WDR33: variants seen among roughly 807,000 people sequenced by gnomAD.
WDR33 encodes the protein pre-mRNA 3' end processing protein WDR33.
Under a neutral mutation model 164.9 loss-of-function variants are expected in WDR33, and 47 were observed. The ratio of observed to expected loss-of-function variants is 0.29; its 90% CI spans 0.23 to 0.36. The LOEUF is 0.36. Ranked by LOEUF, WDR33 falls within the 10% of genes least tolerant of loss-of-function variation. The pLI is 1.00. For synonymous variants in WDR33, 505 were observed against 589.0 expected, an observed-to-expected ratio of 0.86 and a Z score of 2.06; for missense variants, 1,137 against 1,754.1, an observed-to-expected ratio of 0.65 and a Z score of 6.28.
chr2:127,719,722 T>G lies in WDR33; in HGVS notation c.2303A>C (p.Gln768Pro), dbSNP rs1686384220. The G allele has an allele frequency of 1.2e-6, 2 of 1,613,746 alleles. No individual in the cohort carries two copies. Among genetic ancestry groups the G allele is most frequent in the Non-Finnish European group, 1.7e-6 (2 of 1,179,924 alleles). ...CAGAGGTCCCTGAGACACAGGACCT[T>G]GGATCCCTTGAGACCCTGGTCCGCC... Reference protein sequence around the residue: ...IQGGPGSQGIQGPVSQGPLMG... With the variant: ...IQGGPGSQGIPGPVSQGPLMG... The change falls in exon 16 of 22, where the codon CAA becomes CCA. Residue 768 changes from glutamine (Q) to proline (P), a missense_variant. Coordinates refer to ENST00000322313, the MANE Select transcript of WDR33 (RefSeq NM_018383.5). This position sits in a 1 kb window ranked among gnomAD's most constrained non-coding sequence, Gnocchi z 6.5.
intron 7 of WDR33, among the ~76,000 whole-genome samples, chr2:127,733,647 C>T (rs1686764724): frequency 6.6e-6 from 1 of 152,116 alleles, no homozygotes; most frequent in Non-Finnish European, 1.5e-5. Context: ...TTAATAGTCA[C>T]ACGTGACTAG....
At chr2:127,732,166 C>T (rs1421569461) in intron 7 of WDR33, among the ~76,000 whole-genome samples, 2 of 150,894 alleles carry the variant, frequency 1.3e-5, no homozygotes, top group South Asian at 2.1e-4. Context: ...CAGACGGACA[C>T]CCCAATAAGC....
Position 127,805,222 on chromosome 2 carries a change from C to T in WDR33, c.-24+5790G>A, listed in dbSNP as rs543086426. Reference sequence around the variant, plus strand: ...CCTCCCAAGTAGCTGGGACTACAGGCGCAGGCCACCAAACCCAGCATTTTT... The same window carrying T: ...CCTCCCAAGTAGCTGGGACTACAGGTGCAGGCCACCAAACCCAGCATTTTT... On this transcript the variant is annotated intron_variant, in intron 1 of 21. Transcript: ENST00000322313. Among the ~76,000 whole-genome samples, 30 of 151,660 alleles carry T rather than the reference C, an allele frequency of 2.0e-4. 2 individuals carry two copies. The South Asian group carries it at 5.0e-3, about 25-fold the overall frequency.
At chr2:127,803,109 T>C (rs1422218534) in intron 1 of WDR33, among the ~76,000 whole-genome samples, 2 of 152,190 alleles carry the variant, frequency 1.3e-5, no homozygotes, top group East Asian at 3.8e-4. Context: ...AAAAATGTTA[T>C]TTCAAGTAAC....
At position 127,704,300 on chromosome 2, in the gene WDR33, G is replaced by A. The variant is rs562901356; in HGVS notation, c.*2023C>T. 1 of 166,984 alleles carries A rather than the reference G, an allele frequency of 6.0e-6. No homozygotes were observed. The highest frequency in any genetic ancestry group is 2.4e-5 in the African/African-American group (1 of 41,484). The allele number at this position is 166,984 out of a possible 1,614,324, so 10.3% of individuals were successfully genotyped here. On this transcript the variant is annotated 3_prime_UTR_variant, in exon 22 of 22. Transcript: ENST00000322313. ...CTCAAAATGTGATCTGTCAAGTCCA[G>A]TAGAGCTTCAAGGTAAAATGAAAAT... is the stretch of plus-strand genomic sequence containing the variant.
At chr2:127,803,996 T>C (rs1184802681) in intron 1 of WDR33, among the ~76,000 whole-genome samples, 1 of 148,708 alleles carries the variant, frequency 6.7e-6, no homozygotes, top group African/African-American at 2.5e-5. Context: ...GCCAAATACC[T>C]GCTCCTGCTT....
In WDR33 at chr2:127,722,480, A is replaced by G. The variant is rs953232932; in HGVS notation, c.1518+111T>C. The stretch of plus-strand genomic sequence containing the variant: ...ATGTCTAAGAGTACGTGAACATGGG[A>G]AAAATGCTCCAGTACAGAAACACCT... On this transcript the variant is annotated intron_variant, in intron 14 of 21. Transcript: ENST00000322313. This position sits in a 1 kb window ranked among gnomAD's most constrained non-coding sequence, Gnocchi z 5.1. 3.5e-6 allele frequency: 5 copies of G among 1,428,406 alleles called. No individual in the cohort carries two copies. The highest frequency in any genetic ancestry group is 1.4e-5 in the African/African-American group (1 of 69,814). The allele number at this position is 1,428,406 out of a possible 1,614,324, so 88.5% of individuals were successfully genotyped here.
chr2:127,803,152 C>T (rs79649252), intron 1 of WDR33, among the ~76,000 whole-genome samples: 10,068 of 151,500 alleles, frequency 0.066, 493 homozygotes, highest in Non-Finnish European at 0.095. Flanking sequence ...ATGCAGTATA[C>T]GCTAAGAAAA....
At position 127,741,275 on chromosome 2, in the gene WDR33, GAA is replaced by G. The variant is rs1296718577; in HGVS notation, c.725-14500_725-14499del. On this transcript the variant is annotated intron_variant, in intron 7 of 21. Transcript: ENST00000322313. The surrounding 1 kb of genome is among the most constrained non-coding windows in gnomAD (Gnocchi z 4.1). ...CTGCAGAAATGCCACGGATGACACT[GAA>G]AATGGAAAGAAGTGGAGGGCAAAGA... Among the ~76,000 whole-genome samples the G allele has an allele frequency of 2.0e-5, 3 of 152,208 alleles. No individual in the cohort carries two copies. Among genetic ancestry groups the G allele is most frequent in the African/African-American group, 7.2e-5 (3 of 41,448 alleles).
At chr2:127,805,073 T>C (rs1260349546) in intron 1 of WDR33, among the ~76,000 whole-genome samples, 2 of 101,258 alleles carry the variant, frequency 2.0e-5, no homozygotes, top group Admixed American at 9.0e-5. Flanking sequence ...TTTTTCTTTT[T>C]TTTTTTTTTT....
At position 127,724,513 on chromosome 2, in the gene WDR33, G is replaced by C; in HGVS notation, c.1086-70C>G. The C allele has an allele frequency of 7.5e-7, 1 of 1,332,278 alleles. No individual in the cohort carries two copies. Among genetic ancestry groups the C allele is most frequent in the Non-Finnish European group, 1.1e-6 (1 of 932,592 alleles). 82.5% of individuals were successfully genotyped at this position (1,332,278 alleles called of 1,614,324 possible). A position where few individuals can be genotyped will look rare whatever the true frequency, so the allele number is the denominator to read the frequency against. ...CAGCTTCTCCCTCCCCCTCAAAAAA[G>C]ACATTTTCTGTTACTCTTAAAATGA... On this transcript the variant is annotated intron_variant, in intron 10 of 21. Coordinates refer to ENST00000322313, the MANE Select transcript of WDR33 (RefSeq NM_018383.5). This position sits in a 1 kb window ranked among gnomAD's most constrained non-coding sequence, Gnocchi z 4.8.
chr2:127,776,634 G>C (rs1688192407), intron 1 of WDR33, among the ~76,000 whole-genome samples: 1 of 152,272 alleles, frequency 6.6e-6, no homozygotes. Flanking sequence ...GGAGGTCAAG[G>C]CTGCAGTGAA....
rs141982095 is a variant in WDR33, at chr2:127,765,077, G to A, written c.474+97C>T. On this transcript the variant is annotated intron_variant, in intron 5 of 21. Transcript: ENST00000322313. Reference sequence around the variant, plus strand: ...TATAACTGACTCGAGGTAATAATTCGTCCCAATTCTAAGTTTAACAATGCC... The same window carrying A: ...TATAACTGACTCGAGGTAATAATTCATCCCAATTCTAAGTTTAACAATGCC... The A allele has an allele frequency of 7.7e-6, 12 of 1,551,686 alleles. No individual in the cohort carries two copies. In the East Asian group the frequency reaches 9.1e-5, roughly 12 times the overall value.
chr2:127,776,127 AG>A (rs1322678577), intron 1 of WDR33, among the ~76,000 whole-genome samples: 3 of 152,194 alleles, frequency 2.0e-5, no homozygotes, highest in African/African-American at 7.2e-5. Context: ...ATTTAGATTT[AG>A]GGCCCTAATC....
At chr2:127,772,202 C>A (rs1688027497) in intron 1 of WDR33, among the ~76,000 whole-genome samples, 1 of 152,010 alleles carries the variant, frequency 6.6e-6, no homozygotes, top group Non-Finnish European at 1.5e-5. Flanking sequence ...TTTGGGAGGC[C>A]GAGATGGGCG....
At chr2:127,798,850 G>GA (rs1378942770) in intron 1 of WDR33, 4 of 150,506 alleles carry the variant, frequency 2.7e-5, no homozygotes, top group Non-Finnish European at 5.9e-5. Context: ...TTAAGTTATT[G>GA]AAAACTGCTT....
chr2:127,736,410 T>A, intron 7 of WDR33: 1 of 985,422 alleles, frequency 1.0e-6, no homozygotes, highest in Admixed American at 6.1e-5. Context: ...AACTGAGTGG[T>A]AGCACAGAAG....
rs1206336774 is a variant in WDR33, at chr2:127,724,673, T to A, written c.1085+214A>T. Among the ~76,000 whole-genome samples the A allele has an allele frequency of 6.6e-6, 1 of 152,156 alleles. No homozygotes were observed. Among genetic ancestry groups the A allele is most frequent in the African/African-American group, 2.4e-5 (1 of 41,438 alleles). On this transcript the variant is annotated intron_variant, in intron 10 of 21. Coordinates refer to ENST00000322313, the MANE Select transcript of WDR33 (RefSeq NM_018383.5). This position sits in a 1 kb window ranked among gnomAD's most constrained non-coding sequence, Gnocchi z 4.8. The stretch of plus-strand genomic sequence containing the variant: ...GAAAAGGCTGCAAGCATTTAGAAAC[T>A]AGAAAATCTATTTTATTCCTCCTTA...
In WDR33 at chr2:127,735,839, C is replaced by T; in HGVS notation, c.725-9062G>A. 1 of 985,458 alleles carries T rather than the reference C, an allele frequency of 1.0e-6. No individual in the cohort carries two copies. The highest frequency in any genetic ancestry group is 1.7e-5 in the African/African-American group (1 of 57,366). The allele number at this position is 985,458 out of a possible 1,614,324, so 61.0% of individuals were successfully genotyped here. A position where few individuals can be genotyped will look rare whatever the true frequency, so the allele number is the denominator to read the frequency against. Reference sequence around the variant, plus strand: ...CCTTTAATGCAAAATGATTTCACCACAACCCAACAGTCAACATCAACTTGG... The same window carrying T: ...CCTTTAATGCAAAATGATTTCACCATAACCCAACAGTCAACATCAACTTGG... On this transcript the variant is annotated intron_variant, in intron 7 of 21. Coordinates refer to ENST00000322313, the MANE Select transcript of WDR33 (RefSeq NM_018383.5). This position sits in a 1 kb window ranked among gnomAD's most constrained non-coding sequence, Gnocchi z 4.3.
Sources: allele counts gnomAD v4.1 joint callset (sites outside exome capture counted in the v4.1 genomes callset), GRCh38; gene constraint gnomAD v4.1.1; non-coding constraint Gnocchi (gnomAD v3.1); transcripts MANE v1.5; gene names NCBI Gene and HGNC (gene_info 2026-07-23, HGNC 2026-07-21).